UTRN: variants seen among roughly 807,000 people sequenced by gnomAD.
UTRN encodes utrophin, also known as dystrophin-related protein 1.
A neutral mutation model predicts 463.9 loss-of-function variants in UTRN; 283 were observed. The ratio of observed to expected loss-of-function variants is 0.61; its 90% CI spans 0.55 to 0.67. UTRN has a LOEUF of 0.67. UTRN is among the 30% of genes least tolerant of loss of function. The pLI is 0.00. For synonymous variants in UTRN, 1,442 were observed against 1,431.5 expected (o/e 1.01, Z -0.17); for missense variants, 3,922 against 4,084.3 (o/e 0.96, Z 1.08).
At chr6:144,646,737 G>C (rs2056745) in intron 51 of UTRN, among the ~76,000 whole-genome samples, 24,236 of 152,044 alleles carry the variant, frequency 0.16, 2,602 homozygotes, top group East Asian at 0.57. Flanking sequence ...CAAAAGATCT[G>C]CTACATTACA....
At chr6:144,818,231 A>G (rs928760123) in intron 65 of UTRN, among the ~76,000 whole-genome samples, 2 of 152,350 alleles carry the variant, frequency 1.3e-5, no homozygotes, top group African/African-American at 2.4e-5. Context: ...AAGCAGATTC[A>G]TAGAGAAAAT....
At chr6:144,524,518 C>A (rs1420011329) in intron 41 of UTRN, among the ~76,000 whole-genome samples, 2 of 151,766 alleles carry the variant, frequency 1.3e-5, no homozygotes, top group African/African-American at 2.4e-5. Flanking sequence ...TTTAGTGCTA[C>A]TAATTTTTGT....
At chr6:144,608,150 G>T (rs1805076924) in intron 51 of UTRN, among the ~76,000 whole-genome samples, 1 of 152,132 alleles carries the variant, frequency 6.6e-6, no homozygotes, top group African/African-American at 2.4e-5. Context: ...TTCTAGTAAA[G>T]CGGATTATCC....
At chr6:144,727,819 G>A (rs1788053159) in intron 53 of UTRN, among the ~76,000 whole-genome samples, 1 of 152,024 alleles carries the variant, frequency 6.6e-6, no homozygotes, top group African/African-American at 2.4e-5. Flanking sequence ...TGCTGGGTGT[G>A]GTGGCTCACA....
chr6:144,750,731 C>G (rs1167488488), intron 55 of UTRN, among the ~76,000 whole-genome samples: 1 of 152,070 alleles, frequency 6.6e-6, no homozygotes, highest in East Asian at 1.9e-4. Flanking sequence ...TAATATTGCT[C>G]AAATATCATT....
intron 2 of UTRN, among the ~76,000 whole-genome samples, chr6:144,382,430 G>C (rs1255876833): frequency 6.6e-6 from 1 of 152,192 alleles, no homozygotes; most frequent in Non-Finnish European, 1.5e-5. Flanking sequence ...TGGAGTCAAG[G>C]AGTCTGTATT....
At chr6:144,714,761 G>A (rs1229104364) in intron 53 of UTRN, among the ~76,000 whole-genome samples, 2 of 152,324 alleles carry the variant, frequency 1.3e-5, no homozygotes, top group East Asian at 3.9e-4. Context: ...CCCACTCTGA[G>A]TTACATGCCC....
In UTRN at chr6:144,714,628, C is replaced by A. The variant is rs75508529; in HGVS notation, c.7809+14385C>A. On this transcript the variant is annotated intron_variant, in intron 53 of 74. Coordinates refer to ENST00000367545, the MANE Select transcript of UTRN (RefSeq NM_007124.3). ...TGAGGTCTGCAATCACATAGCCAGA[C>A]CTGCTTGCATTGCGAAGAACATTAA... Among the ~76,000 whole-genome samples, 728 of 152,300 alleles carry A rather than the reference C, an allele frequency of 4.8e-3. 33 individuals carry two copies. The East Asian group carries it at 0.096, about 20-fold the overall frequency.
At chr6:144,812,804 T>G (rs1030442663) in intron 65 of UTRN, among the ~76,000 whole-genome samples, 18 of 152,236 alleles carry the variant, frequency 1.2e-4, no homozygotes, top group African/African-American at 4.3e-4. Context: ...GTACATTTTA[T>G]AATTCAGTGA....
intron 58 of UTRN, among the ~76,000 whole-genome samples, chr6:144,760,166 T>G (rs1296238452): frequency 6.6e-6 from 1 of 152,120 alleles, no homozygotes; most frequent in Non-Finnish European, 1.5e-5. Context: ...AAATCAGAAT[T>G]TCTCTAATTC....
In UTRN at chr6:144,668,766, A is replaced by C. The variant is rs142908486; in HGVS notation, c.7480-9640A>C. ...TCACCTCCCAAAGGCCCCACCTCCTAATACCATTATTGTCAGGGTTAGGGG... is the reference window on the plus strand; with the variant it reads ...TCACCTCCCAAAGGCCCCACCTCCTCATACCATTATTGTCAGGGTTAGGGG... On this transcript the variant is annotated intron_variant, in intron 51 of 74. Transcript: ENST00000367545. 3.1e-3 allele frequency among the ~76,000 whole-genome samples: 466 copies of C among 152,216 alleles called. 1 individual carries two copies. The highest frequency in any genetic ancestry group is 0.01 in the African/African-American group (429 of 41,532).
Position 144,426,475 on chromosome 6 carries a change from A to C in UTRN, c.578+16A>C, listed in dbSNP as rs191405571. The C allele has an allele frequency of 1.9e-6, 3 of 1,603,062 alleles. No individual in the cohort carries two copies. In the African/African-American group the frequency reaches 4.0e-5, roughly 22 times the overall value. ...ACCGACATAAGTGAGACATTACTCT[A>C]TCTAGAAGTGGGCTTTACAAATTCA... On this transcript the variant is annotated intron_variant, in intron 7 of 74. Transcript: ENST00000367545.
intron 58 of UTRN, chr6:144,758,306 G>T: frequency 4.5e-5 from 6 of 134,150 alleles, no homozygotes; most frequent in Non-Finnish European, 7.6e-5. Context: ...TCTCTAAAAA[G>T]TAAAAAAAAA....
rs11400052 is a variant in UTRN at position 144,657,250 on chromosome 6, CAAAAAAAAAAAA to C, written c.7480-21144_7480-21133del. ...GGGCAACAAGAGCGAAACTCCATCT[CAAAAAAAAAAAA>C]AAAAAAAAAAAGAGGCTGACATCAT... On this transcript the variant is annotated intron_variant, in intron 51 of 74. Coordinates refer to ENST00000367545, the MANE Select transcript of UTRN (RefSeq NM_007124.3). Among the ~76,000 whole-genome samples, 11 of 68,868 alleles carry C rather than the reference CAAAAAAAAAAAA, an allele frequency of 1.6e-4. No homozygotes were observed. The South Asian group carries it at 4.0e-3, about 25-fold the overall frequency. The allele number at this position is 68,868 out of a possible 152,430, so 45.2% of individuals were successfully genotyped here. A position where few individuals can be genotyped will look rare whatever the true frequency, so the allele number is the denominator to read the frequency against.
At chr6:144,672,386 G>C (rs1357805610) in intron 51 of UTRN, among the ~76,000 whole-genome samples, 1 of 151,682 alleles carries the variant, frequency 6.6e-6, no homozygotes, top group Non-Finnish European at 1.5e-5. Flanking sequence ...TAATTTAGAA[G>C]GGTTGTATAT....
At chr6:144,310,846 G>GTTGAGA (rs1424287740) in intron 2 of UTRN, among the ~76,000 whole-genome samples, 1 of 152,206 alleles carries the variant, frequency 6.6e-6, no homozygotes, top group Non-Finnish European at 1.5e-5. Context: ...TTCAATCTTT[G>GTTGAGA]TTGATCTTTA....
chr6:144,513,110 C>T (rs934403664), intron 35 of UTRN, among the ~76,000 whole-genome samples: 3 of 152,174 alleles, frequency 2.0e-5, no homozygotes, highest in Admixed American at 2.0e-4. Flanking sequence ...TGCTTCAGTA[C>T]ATCTTGCTGT....
intron 51 of UTRN, among the ~76,000 whole-genome samples, chr6:144,633,896 A>G (rs1776815178): frequency 6.6e-6 from 1 of 152,238 alleles, no homozygotes; most frequent in Non-Finnish European, 1.5e-5. Flanking sequence ...TTGACTGGTA[A>G]TCTCAAGCAT....
chr6:144,285,537 C>T lies in UTRN; in HGVS notation c.-377C>T, dbSNP rs963812996. 6.6e-6 allele frequency among the ~76,000 whole-genome samples: 1 copy of T among 152,202 alleles called. No homozygotes were observed. The highest frequency in any genetic ancestry group is 1.5e-5 in the Non-Finnish European group (1 of 68,030). Reference sequence around the variant, plus strand: ...TGCCTGCGCGCCCCTTCCAGGTTTGCGCTTTGACTGTTTTGTTTTTGGCGG... The same window carrying T: ...TGCCTGCGCGCCCCTTCCAGGTTTGTGCTTTGACTGTTTTGTTTTTGGCGG... On this transcript the variant is annotated 5_prime_UTR_variant, in exon 1 of 75. Coordinates refer to ENST00000367545, the MANE Select transcript of UTRN (RefSeq NM_007124.3).
Sources: allele counts gnomAD v4.1 joint callset (sites outside exome capture counted in the v4.1 genomes callset), GRCh38; gene constraint gnomAD v4.1.1; transcripts MANE v1.5; gene names NCBI Gene and HGNC (gene_info 2026-07-23, HGNC 2026-07-21).